Variants in COL5A2 observed in about 807,000 individuals in gnomAD.
COL5A2 encodes collagen alpha-2(V) chain.
In COL5A2, 23 loss-of-function variants were observed where a neutral mutation model predicts 208.2. The observed-to-expected ratio is 0.11, with a 90% confidence interval of 0.08 to 0.16. The LOEUF (loss-of-function observed/expected upper bound fraction) is 0.16. Ranked by LOEUF, COL5A2 falls within the 10% of genes least tolerant of loss-of-function variation. The pLI, the probability that COL5A2 is intolerant of heterozygous loss-of-function variation, is 1.00. For missense variants in COL5A2, 1,590 were observed against 1,956.4 expected (o/e 0.81, Z 3.53); for synonymous variants, 625 against 628.5 (o/e 0.99, Z 0.08).
chr2:189,428,617 GA>G, the COL5A2 span, among the ~76,000 whole-genome samples: 3 of 148,528 alleles, frequency 2.0e-5, no homozygotes, highest in Admixed American at 2.0e-4. Flanking sequence ...GACTCCGTCT[GA>G]AAAAAAAAAT....
At chr2:189,162,853 A>C (rs984551448) in intron 1 of COL5A2, among the ~76,000 whole-genome samples, 1 of 152,114 alleles carries the variant, frequency 6.6e-6, no homozygotes, top group Non-Finnish European at 1.5e-5. Flanking sequence ...AAGGAGGGAA[A>C]TGGGGGAACA....
At chr2:189,300,375 T>C in the COL5A2 span, among the ~76,000 whole-genome samples, 1 of 152,136 alleles carries the variant, frequency 6.6e-6, no homozygotes, top group Non-Finnish European at 1.5e-5. Context: ...AAATTGGAAG[T>C]TTTTATTATA....
intron 1 of COL5A2, among the ~76,000 whole-genome samples, chr2:189,163,915 T>C (rs1339641889): frequency 6.6e-6 from 1 of 152,230 alleles, no homozygotes; most frequent in Non-Finnish European, 1.5e-5. Context: ...AGATTTCCTG[T>C]GTCCTGGTCC....
At chr2:189,420,409 G>A in the COL5A2 span, among the ~76,000 whole-genome samples, 10 of 152,242 alleles carry the variant, frequency 6.6e-5, no homozygotes, top group Non-Finnish European at 1.3e-4. Flanking sequence ...CCAATTTGCT[G>A]TAAAATACAG....
intron 1 of COL5A2, among the ~76,000 whole-genome samples, chr2:189,139,560 G>C (rs1005677044): frequency 6.6e-6 from 1 of 152,064 alleles, no homozygotes; most frequent in African/African-American, 2.4e-5. Context: ...TCCTGTGAGG[G>C]ATCCTGGAAC....
intron 1 of COL5A2, among the ~76,000 whole-genome samples, chr2:189,224,659 A>G (rs1475252791): frequency 6.6e-6 from 1 of 152,154 alleles, no homozygotes; most frequent in Non-Finnish European, 1.5e-5. Context: ...ACTGCACTCC[A>G]GTCTGGGTGA....
intron 1 of COL5A2, among the ~76,000 whole-genome samples, chr2:189,191,256 G>C (rs1016784298): frequency 6.6e-6 from 1 of 151,916 alleles, no homozygotes; most frequent in Non-Finnish European, 1.5e-5. Context: ...ACAACAGCAG[G>C]GACTAAAAAC....
At chr2:189,313,223 G>A in the COL5A2 span, among the ~76,000 whole-genome samples, 1 of 152,176 alleles carries the variant, frequency 6.6e-6, no homozygotes, top group Non-Finnish European at 1.5e-5. Context: ...TAAACAGACC[G>A]AATCTATGAC....
chr2:189,079,161 A>G, intron 14 of COL5A2, 54 bp from the exon 15 acceptor site: 2 of 1,334,766 alleles, frequency 1.5e-6, no homozygotes, highest in Non-Finnish European at 2.1e-6. Context: ...CCGATACATC[A>G]CTTTGTTCTG....
At position 189,034,012 on chromosome 2, in the gene COL5A2, T is replaced by C; in HGVS notation, c.*58A>G. 1 of 1,611,394 alleles carries C rather than the reference T, an allele frequency of 6.2e-7. No individual in the cohort carries two copies. Among genetic ancestry groups the C allele is most frequent in the Non-Finnish European group, 8.5e-7 (1 of 1,178,240 alleles). On this transcript the variant is annotated 3_prime_UTR_variant, in exon 54 of 54. Coordinates refer to ENST00000374866, the MANE Select transcript of COL5A2 (RefSeq NM_000393.5). ...GATCAACTTCAAACAGTCAAAGTTC[T>C]TGTGAATGGCGGTGGTCATTGATGG... is the stretch of plus-strand genomic sequence containing the variant.
chr2:189,242,844 C>T, the COL5A2 span, among the ~76,000 whole-genome samples: 1 of 152,142 alleles, frequency 6.6e-6, no homozygotes, highest in African/African-American at 2.4e-5. Context: ...AAGCTGACTA[C>T]AGATCTCTCA....
At chr2:189,373,314 A>T in the COL5A2 span, among the ~76,000 whole-genome samples, 1 of 152,194 alleles carries the variant, frequency 6.6e-6, no homozygotes, top group Non-Finnish European at 1.5e-5. Context: ...AGTTTAGTTC[A>T]GTTCAACAAA....
chr2:189,409,221 T>G, the COL5A2 span, among the ~76,000 whole-genome samples: 1 of 146,986 alleles, frequency 6.8e-6, no homozygotes. Flanking sequence ...TTTTTTTTTT[T>G]TTTTTTAGAG....
At chr2:189,176,664 T>G (rs1688683465) in intron 1 of COL5A2, among the ~76,000 whole-genome samples, 1 of 151,962 alleles carries the variant, frequency 6.6e-6, no homozygotes, top group East Asian at 1.9e-4. Flanking sequence ...ATGTGGAATC[T>G]TTTGAAGACC....
the COL5A2 span, among the ~76,000 whole-genome samples, chr2:189,234,348 T>C: frequency 6.6e-6 from 1 of 151,826 alleles, no homozygotes; most frequent in African/African-American, 2.4e-5. Context: ...GATTCATTTC[T>C]ATGTTTACAT....
chr2:189,337,187 C>CTT, the COL5A2 span, among the ~76,000 whole-genome samples: 7 of 129,888 alleles, frequency 5.4e-5, no homozygotes, highest in Non-Finnish European at 9.9e-5. Context: ...TTTTTTTTTT[C>CTT]TTTTTTTTTT....
chr2:189,301,924 A>AT, the COL5A2 span, among the ~76,000 whole-genome samples: 1 of 151,972 alleles, frequency 6.6e-6, no homozygotes, highest in Non-Finnish European at 1.5e-5. Context: ...ACAAATACAA[A>AT]TTTTTTTTCA....
chr2:189,049,903 G>T (rs1685748658), intron 43 of COL5A2, among the ~76,000 whole-genome samples: 1 of 151,972 alleles, frequency 6.6e-6, no homozygotes, highest in South Asian at 2.1e-4. Flanking sequence ...CTACTTTGTT[G>T]GTTTCATATT....
chr2:189,320,727 G>A, the COL5A2 span, among the ~76,000 whole-genome samples: 2 of 152,220 alleles, frequency 1.3e-5, no homozygotes, highest in African/African-American at 4.8e-5. Context: ...ATGGAACCAA[G>A]TTGGAAAACA....
Sources: gnomAD v4.1 joint callset for allele counts (sites outside exome capture counted in the v4.1 genomes callset) on GRCh38, gnomAD v4.1.1 for gene constraint, MANE v1.5 for transcripts, NCBI Gene and HGNC (gene_info 2026-07-23, HGNC 2026-07-21) for gene names.